The following DOCK3 variants were observed in gnomAD, a reference collection of about 807,000 sequenced individuals.
The protein encoded by DOCK3 is dedicator of cytokinesis protein 3.
In DOCK3, 60 loss-of-function variants were observed where a neutral mutation model predicts 265.6. That is an observed-to-expected ratio of 0.23 (90% CI 0.18 to 0.28). DOCK3 has a LOEUF of 0.28. DOCK3 is among the 10% of genes least tolerant of loss of function. The pLI, the probability that DOCK3 is intolerant of heterozygous loss-of-function variation, is 1.00. For synonymous variants in DOCK3, 881 were observed against 938.0 expected (o/e 0.94, Z 1.11); for missense variants, 1,981 against 2,594.3 (o/e 0.76, Z 5.14).
At chr3:50,730,510 C>T (rs1439943058) in intron 1 of DOCK3, among the ~76,000 whole-genome samples, 1 of 152,138 alleles carries the variant, frequency 6.6e-6, no homozygotes, top group African/African-American at 2.4e-5. Context: ...GCCAGCATAA[C>T]CTTGATCCAA....
At chr3:51,111,620 A>G (rs187760076) in intron 9 of DOCK3, among the ~76,000 whole-genome samples, 54 of 152,176 alleles carry the variant, frequency 3.5e-4, no homozygotes, top group Middle Eastern at 6.8e-3. Flanking sequence ...ACCCTGGAAG[A>G]CAACCTAGGC....
At chr3:51,255,593 T>G (rs1189570373) in intron 22 of DOCK3, among the ~76,000 whole-genome samples, 1 of 151,876 alleles carries the variant, frequency 6.6e-6, no homozygotes, top group Non-Finnish European at 1.5e-5. Flanking sequence ...TCTAAACTTC[T>G]CACTTCATTT....
intron 23 of DOCK3, among the ~76,000 whole-genome samples, chr3:51,266,953 T>G (rs1386364544): frequency 6.6e-6 from 1 of 151,926 alleles, no homozygotes; most frequent in Non-Finnish European, 1.5e-5. Context: ...ATATCCAAAA[T>G]CTACAAAGAA....
intron 5 of DOCK3, among the ~76,000 whole-genome samples, chr3:50,948,057 T>C (rs577046650): frequency 1.1e-4 from 16 of 144,900 alleles, no homozygotes; most frequent in African/African-American, 3.5e-4. Context: ...TTATTATTAT[T>C]ATTATTATTA....
intron 5 of DOCK3, among the ~76,000 whole-genome samples, chr3:50,939,412 G>C (rs1255169579): frequency 6.6e-6 from 1 of 151,876 alleles, no homozygotes; most frequent in Non-Finnish European, 1.5e-5. Context: ...ATCAAAATTA[G>C]ACAAAGACAG....
chr3:51,256,245 T>G (rs2079538835), intron 22 of DOCK3, among the ~76,000 whole-genome samples: 1 of 152,198 alleles, frequency 6.6e-6, no homozygotes, highest in Admixed American at 6.5e-5. Context: ...GAGCTGTTCC[T>G]ATTCAGCCAT....
intron 2 of DOCK3, among the ~76,000 whole-genome samples, chr3:50,825,703 TC>T (rs1410426328): frequency 6.6e-6 from 1 of 152,102 alleles, no homozygotes; most frequent in Non-Finnish European, 1.5e-5. Flanking sequence ...GCCAGTCCTT[TC>T]CCCTTTCAAG....
chr3:50,711,023 A>G (rs2036729155), intron 1 of DOCK3, among the ~76,000 whole-genome samples: 2 of 152,202 alleles, frequency 1.3e-5, no homozygotes, highest in African/African-American at 2.4e-5. Flanking sequence ...TGGTCAGGTG[A>G]TAGGTATACC....
intron 22 of DOCK3, among the ~76,000 whole-genome samples, chr3:51,248,064 T>A (rs1348306513): frequency 1.3e-5 from 2 of 152,218 alleles, no homozygotes; most frequent in East Asian, 3.8e-4. Context: ...GCTTGATACC[T>A]ACCATGCTTC....
chr3:51,307,882 TTTTTTTTTG>T (rs2082782725), intron 27 of DOCK3, among the ~76,000 whole-genome samples: 1 of 148,182 alleles, frequency 6.7e-6, no homozygotes, highest in South Asian at 2.1e-4. Context: ...TATATGGGTT[TTTTTTTTTG>T]TTTTTTTTTT....
intron 12 of DOCK3, among the ~76,000 whole-genome samples, chr3:51,185,869 T>G (rs2087569789): frequency 1.3e-5 from 2 of 152,212 alleles, no homozygotes; most frequent in African/African-American, 4.8e-5. Context: ...CCACCATGAT[T>G]GTGAGGCCTC....
At chr3:50,902,405 C>T (rs1024422468) in intron 4 of DOCK3, among the ~76,000 whole-genome samples, 7 of 152,090 alleles carry the variant, frequency 4.6e-5, no homozygotes, top group East Asian at 1.9e-4. Context: ...TATGGCTAGC[C>T]GGTTCTCCCA....
chr3:50,874,765 A>G (rs1010113394), intron 3 of DOCK3, among the ~76,000 whole-genome samples: 2 of 152,126 alleles, frequency 1.3e-5, no homozygotes, highest in African/African-American at 4.8e-5. Flanking sequence ...TGTAAATGCT[A>G]CTGATTTTTG....
chr3:51,053,561 A>T (rs1028329689), intron 5 of DOCK3, among the ~76,000 whole-genome samples: 3 of 151,706 alleles, frequency 2.0e-5, no homozygotes, highest in Non-Finnish European at 1.5e-5. Context: ...AGCTGGGACT[A>T]CAGGCACCTG....
intron 9 of DOCK3, among the ~76,000 whole-genome samples, chr3:51,132,163 C>T (rs1195567684): frequency 6.6e-6 from 1 of 152,138 alleles, no homozygotes; most frequent in Non-Finnish European, 1.5e-5. Context: ...CCTTTTTTAA[C>T]TCCCCAAGCT....
intron 14 of DOCK3, among the ~76,000 whole-genome samples, chr3:51,223,625 C>T (rs921070360): frequency 2.0e-5 from 3 of 152,120 alleles, no homozygotes; most frequent in Admixed American, 2.0e-4. Context: ...TACTTAAATT[C>T]CATAGGAAAA....
intron 32 of DOCK3, among the ~76,000 whole-genome samples, chr3:51,329,893 A>T (rs2084404477): frequency 6.6e-6 from 1 of 152,182 alleles, no homozygotes; most frequent in African/African-American, 2.4e-5. Flanking sequence ...TTAGATTGGA[A>T]AGAGTACCTG....
chr3:50,823,124 A>C (rs2044542043), intron 2 of DOCK3, among the ~76,000 whole-genome samples: 2 of 152,032 alleles, frequency 1.3e-5, no homozygotes. Context: ...TAATTTTTAA[A>C]AGTAAATTGG....
At chr3:50,877,890 C>A (rs1314666010) in intron 3 of DOCK3, among the ~76,000 whole-genome samples, 3 of 152,118 alleles carry the variant, frequency 2.0e-5, no homozygotes, top group African/African-American at 7.2e-5. Context: ...CTGACTGACA[C>A]CAAATACAGC....
Sources: allele counts gnomAD v4.1 joint callset (sites outside exome capture counted in the v4.1 genomes callset), GRCh38; gene constraint gnomAD v4.1.1; transcripts MANE v1.5; gene names NCBI Gene and HGNC (gene_info 2026-07-23, HGNC 2026-07-21).